AUTS2: variants seen among roughly 807,000 people sequenced by gnomAD.
The protein encoded by AUTS2 is autism susceptibility gene 2 protein.
A neutral mutation model predicts 112.4 loss-of-function variants in AUTS2; 17 were observed. That is an observed-to-expected ratio of 0.15 (90% confidence interval 0.10 to 0.23). The LOEUF (loss-of-function observed/expected upper bound fraction) is 0.23. AUTS2 is among the 10% of genes least tolerant of loss of function. AUTS2 has a pLI of 1.00. For missense variants in AUTS2, 1,510 were observed against 1,701.6 expected, an observed-to-expected ratio of 0.89 and a Z score of 1.98; for synonymous variants, 751 against 702.7, an observed-to-expected ratio of 1.07 and a Z score of -1.09.
At chr7:70,021,197 G>A (rs1402219651) in intron 2 of AUTS2, among the ~76,000 whole-genome samples, 15 of 152,048 alleles carry the variant, frequency 9.9e-5, no homozygotes, top group Admixed American at 1.3e-4. Flanking sequence ...GGTCAGGCTG[G>A]TCTCGAACTC....
At chr7:70,281,074 T>C (rs1468868641) in intron 4 of AUTS2, among the ~76,000 whole-genome samples, 1 of 152,194 alleles carries the variant, frequency 6.6e-6, no homozygotes, top group Non-Finnish European at 1.5e-5. Context: ...AATGAATGAA[T>C]GAATGATAAA....
At chr7:70,767,767 A>G (rs193003601) in intron 9 of AUTS2, among the ~76,000 whole-genome samples, 1 of 152,216 alleles carries the variant, frequency 6.6e-6, no homozygotes, top group Admixed American at 6.5e-5. Flanking sequence ...GCCAATCTGT[A>G]GAAAGAAAAT....
Position 70,721,588 on chromosome 7 carries a change from G to T in AUTS2, c.742+22968G>T, listed in dbSNP as rs1786682800. On this transcript the variant is annotated intron_variant, in intron 6 of 18. Coordinates refer to ENST00000342771, the MANE Select transcript of AUTS2 (RefSeq NM_015570.4). ...TTATCCAGTGATCAGGTATTTGAGTGCCTACCTGACATTGTCTGAGAGACA... is the reference window on the plus strand; with the variant it reads ...TTATCCAGTGATCAGGTATTTGAGTTCCTACCTGACATTGTCTGAGAGACA... Among the ~76,000 whole-genome samples, 7 of 152,250 alleles carry T rather than the reference G, an allele frequency of 4.6e-5. No homozygotes were observed. In the South Asian group the frequency reaches 1.5e-3, roughly 32 times the overall value.
chr7:70,546,204 GAGGCTGAGGAAT>G (rs1217173070), intron 5 of AUTS2, among the ~76,000 whole-genome samples: 4 of 152,138 alleles, frequency 2.6e-5, no homozygotes, highest in African/African-American at 7.2e-5. Flanking sequence ...AGCACTTTGG[GAGGCTGAGGAAT>G]GTGGATTACT....
At chr7:70,583,714 C>T (rs1158212615) in intron 5 of AUTS2, among the ~76,000 whole-genome samples, 2 of 152,200 alleles carry the variant, frequency 1.3e-5, no homozygotes, top group Non-Finnish European at 2.9e-5. Context: ...AAACCCGCAC[C>T]GCACGGCTCA....
At chr7:70,557,043 G>GTC (rs1801277556) in intron 5 of AUTS2, among the ~76,000 whole-genome samples, 1 of 152,096 alleles carries the variant, frequency 6.6e-6, no homozygotes, top group African/African-American at 2.4e-5. Context: ...TGTGGCCATT[G>GTC]GTGTAGTTTT....
chr7:70,713,244 A>AC (rs1810162723), intron 6 of AUTS2, among the ~76,000 whole-genome samples: 2 of 152,122 alleles, frequency 1.3e-5, no homozygotes, highest in Admixed American at 6.5e-5. Context: ...CACAGCACAC[A>AC]ACACACACAC....
At chr7:69,742,154 T>C (rs1486813312) in intron 1 of AUTS2, among the ~76,000 whole-genome samples, 1 of 151,610 alleles carries the variant, frequency 6.6e-6, no homozygotes, top group Non-Finnish European at 1.5e-5. Context: ...AGATGGTCTT[T>C]TAGATTTACC....
At chr7:70,033,244 A>G (rs1265949214) in intron 2 of AUTS2, among the ~76,000 whole-genome samples, 1 of 152,208 alleles carries the variant, frequency 6.6e-6, no homozygotes, top group East Asian at 1.9e-4. Flanking sequence ...AAGTTTCCTC[A>G]AGTTAAATGA....
intron 5 of AUTS2, among the ~76,000 whole-genome samples, chr7:70,674,290 A>C (rs181584234): frequency 6.6e-6 from 1 of 152,326 alleles, no homozygotes; most frequent in Non-Finnish European, 1.5e-5. Flanking sequence ...TTTTTTAAAA[A>C]AATTCTTCCT....
intron 4 of AUTS2, chr7:70,290,774 A>AT: frequency 3.1e-6 from 2 of 636,918 alleles, no homozygotes; most frequent in South Asian, 4.0e-5. Context: ...AATAAATTAG[A>AT]TTTTTTAAAA....
intron 4 of AUTS2, among the ~76,000 whole-genome samples, chr7:70,247,208 C>A (rs1721066875): frequency 6.6e-6 from 1 of 151,986 alleles, no homozygotes; most frequent in Non-Finnish European, 1.5e-5. Flanking sequence ...AAATGTTGAC[C>A]CATGCTACAA....
At chr7:69,705,666 TAA>T (rs570541976) in intron 1 of AUTS2, among the ~76,000 whole-genome samples, 2 of 152,360 alleles carry the variant, frequency 1.3e-5, no homozygotes, top group South Asian at 2.1e-4. Flanking sequence ...CTTATTTTTA[TAA>T]GAGTTTATTT....
chr7:70,104,047 G>A (rs1044739174), intron 2 of AUTS2, among the ~76,000 whole-genome samples: 10 of 151,872 alleles, frequency 6.6e-5, no homozygotes, highest in African/African-American at 2.4e-4. Flanking sequence ...CAGAGAATGT[G>A]ATGTGCCCAC....
chr7:70,179,651 G>A (rs1270351475), intron 4 of AUTS2, among the ~76,000 whole-genome samples: 2 of 152,172 alleles, frequency 1.3e-5, no homozygotes, highest in Non-Finnish European at 2.9e-5. Flanking sequence ...ACAGGAGACA[G>A]ACATTTAGCA....
chr7:70,094,654 G>A (rs182084134), intron 2 of AUTS2, among the ~76,000 whole-genome samples: 46 of 152,292 alleles, frequency 3.0e-4, no homozygotes, highest in Non-Finnish European at 5.4e-4. Context: ...CCATAAAGCA[G>A]TATGGAAATG....
chr7:70,183,250 G>C (rs1171774589), intron 4 of AUTS2, among the ~76,000 whole-genome samples: 2 of 152,182 alleles, frequency 1.3e-5, no homozygotes, highest in East Asian at 3.9e-4. Flanking sequence ...ACTCCTGGAA[G>C]CTGGCATGTG....
At chr7:70,015,553 A>G (rs984822432) in intron 2 of AUTS2, among the ~76,000 whole-genome samples, 1 of 152,236 alleles carries the variant, frequency 6.6e-6, no homozygotes, top group African/African-American at 2.4e-5. Flanking sequence ...GAGGCTTTAC[A>G]AGGACAATAA....
intron 4 of AUTS2, among the ~76,000 whole-genome samples, chr7:70,327,278 A>G (rs549504994): frequency 6.6e-6 from 1 of 152,236 alleles, no homozygotes; most frequent in African/African-American, 2.4e-5. Flanking sequence ...TTATGTTTCC[A>G]GTTCCGTGTC....
Sources: gnomAD v4.1 joint callset for allele counts (sites outside exome capture counted in the v4.1 genomes callset) on GRCh38, gnomAD v4.1.1 for gene constraint, MANE v1.5 for transcripts, NCBI Gene and HGNC (gene_info 2026-07-23, HGNC 2026-07-21) for gene names.